The following UST variants were observed in gnomAD, a reference collection of about 807,000 sequenced individuals.
UST encodes uronyl 2-sulfotransferase, also known as chondroitin sulfate 2-O-sulfotransferase.
Under a neutral mutation model 45.6 loss-of-function variants are expected in UST, and 21 were observed. The observed-to-expected ratio is 0.46, with a 90% CI of 0.33 to 0.66. The LOEUF (loss-of-function observed/expected upper bound fraction) is 0.66, where lower values mean the gene tolerates loss of function less well. UST is among the 30% of genes least tolerant of loss of function. The pLI is 0.02. For missense variants in UST, 463 were observed against 512.4 expected, an observed-to-expected ratio of 0.90 and a Z score of 0.93; for synonymous variants, 215 against 200.6, an observed-to-expected ratio of 1.07 and a Z score of -0.61.
intron 7 of UST, among the ~76,000 whole-genome samples, chr6:149,052,920 A>G (rs1776509747): frequency 6.6e-6 from 1 of 152,210 alleles, no homozygotes; most frequent in Admixed American, 6.5e-5. Context: ...TGGTTTTCAT[A>G]AGGGTTTTAA....
chr6:149,042,955 T>TTTTCTTTCTTTCTTTC (rs1158496318), intron 7 of UST, among the ~76,000 whole-genome samples: 22 of 109,172 alleles, frequency 2.0e-4, no homozygotes, highest in Admixed American at 9.7e-4. Flanking sequence ...ATCACCATCC[T>TTTTCTTTCTTTCTTTC]TTTCTTTCTT....
At chr6:148,796,221 G>A (rs1776945620) in intron 1 of UST, among the ~76,000 whole-genome samples, 1 of 152,136 alleles carries the variant, frequency 6.6e-6, no homozygotes, top group South Asian at 2.1e-4. Context: ...ACCTACAAGG[G>A]ACATAAGATT....
intron 2 of UST, among the ~76,000 whole-genome samples, chr6:148,890,224 C>T (rs766857095): frequency 2.0e-5 from 3 of 152,174 alleles, no homozygotes; most frequent in Non-Finnish European, 2.9e-5. Context: ...GTTCTTATTG[C>T]TTCTGGCAGG....
At chr6:148,778,254 A>T (rs1373374722) in intron 1 of UST, among the ~76,000 whole-genome samples, 1 of 152,064 alleles carries the variant, frequency 6.6e-6, no homozygotes, top group Non-Finnish European at 1.5e-5. Context: ...CTAGTTCCAA[A>T]TTTTTTTCCA....
At chr6:148,886,922 CTT>C (rs1294912050) in intron 1 of UST, 62 bp from the exon 2 acceptor site, 5 of 1,353,514 alleles carry the variant, frequency 3.7e-6, no homozygotes, top group East Asian at 4.6e-5. Flanking sequence ...TCTTCAATAA[CTT>C]TGCACTAAAT....
chr6:148,901,750 G>T (rs1293470902), intron 2 of UST, among the ~76,000 whole-genome samples: 1 of 151,996 alleles, frequency 6.6e-6, no homozygotes, highest in African/African-American at 2.4e-5. Flanking sequence ...TAGAGATGGG[G>T]GTTTTGCCAT....
At chr6:148,984,708 C>A (rs1781207841) in intron 5 of UST, among the ~76,000 whole-genome samples, 1 of 152,124 alleles carries the variant, frequency 6.6e-6, no homozygotes, top group African/African-American at 2.4e-5. Flanking sequence ...TGGGGCCTTG[C>A]TGTGTTTCCC....
At chr6:148,896,935 T>C (rs995462866) in intron 2 of UST, among the ~76,000 whole-genome samples, 1 of 152,150 alleles carries the variant, frequency 6.6e-6, no homozygotes, top group East Asian at 1.9e-4. Context: ...AAGAGGATAG[T>C]AATGCCCACC....
At chr6:148,970,898 C>T (rs1371473548) in intron 5 of UST, among the ~76,000 whole-genome samples, 3 of 152,202 alleles carry the variant, frequency 2.0e-5, no homozygotes, top group African/African-American at 4.8e-5. Context: ...GGGCTCACCC[C>T]GATAATCCGG....
chr6:148,994,889 T>C (rs1781421614), intron 5 of UST, among the ~76,000 whole-genome samples: 1 of 152,226 alleles, frequency 6.6e-6, no homozygotes, highest in Non-Finnish European at 1.5e-5. Flanking sequence ...TAGCCCTTAA[T>C]CTATAGATTC....
At chr6:148,788,650 G>A (rs554211662) in intron 1 of UST, among the ~76,000 whole-genome samples, 2 of 152,132 alleles carry the variant, frequency 1.3e-5, no homozygotes, top group East Asian at 3.9e-4. Context: ...GACCTATAAC[G>A]TGTCTTAAGA....
chr6:148,908,460 T>A (rs1473362362), intron 2 of UST, among the ~76,000 whole-genome samples: 1 of 152,110 alleles, frequency 6.6e-6, no homozygotes, highest in Non-Finnish European at 1.5e-5. Context: ...ATCTTGGGCG[T>A]TTGGTGGTAT....
At chr6:148,819,451 A>G (rs1288176987) in intron 1 of UST, among the ~76,000 whole-genome samples, 1 of 152,208 alleles carries the variant, frequency 6.6e-6, no homozygotes, top group Non-Finnish European at 1.5e-5. Context: ...CTGTGACTCG[A>G]ATCGGACTGG....
chr6:149,055,925 C>G (rs912564563), intron 7 of UST, among the ~76,000 whole-genome samples: 23 of 152,112 alleles, frequency 1.5e-4, no homozygotes, highest in African/African-American at 5.6e-4. Context: ...TCATTTATAG[C>G]CTGTTGTTGA....
chr6:149,039,879 G>A (rs73002440), intron 7 of UST, among the ~76,000 whole-genome samples: 4,609 of 152,238 alleles, frequency 0.03, 100 homozygotes, highest in Middle Eastern at 0.061. Flanking sequence ...GCCATGACCC[G>A]TCACTTCCAT....
At chr6:148,881,717 C>T (rs887377658) in intron 1 of UST, among the ~76,000 whole-genome samples, 32 of 152,302 alleles carry the variant, frequency 2.1e-4, no homozygotes, top group African/African-American at 7.0e-4. Context: ...TTAACACCCA[C>T]CATCGACTCC....
intron 2 of UST, among the ~76,000 whole-genome samples, chr6:148,922,016 G>A (rs74746670): frequency 0.034 from 5,227 of 152,280 alleles, 380 homozygotes; most frequent in East Asian, 0.32. Flanking sequence ...CATGAGAGGG[G>A]AGTGGAGAAG....
At chr6:149,051,636 G>GTT (rs1776489194) in intron 7 of UST, among the ~76,000 whole-genome samples, 1 of 152,188 alleles carries the variant, frequency 6.6e-6, no homozygotes, top group South Asian at 2.1e-4. Context: ...GGATTGAATG[G>GTT]CACAGTTCCT....
rs764858360 is a variant in UST at position 149,073,887 on chromosome 6, C to T, written c.992C>T (p.Pro331Leu). ...TVTVKKTVPSPEAVQILYQRM... is the reference protein window; with the variant it reads ...TVTVKKTVPSLEAVQILYQRM... ...ACGGTGAAGAAGACTGTCCCCTCTC[C>T]TGAGGCTGTGCAGATCCTCTACCAG... is the stretch of plus-strand genomic sequence containing the variant. The change falls in exon 8 of 8, where the codon CCT becomes CTT. Residue 331 changes from proline to leucine, a missense_variant. Around this residue, in one of 2 missense-constraint regions of UST, gnomAD observed 287 missense variants for 374.2 expected, o/e 0.77. Transcript: ENST00000367463. 6.2e-7 allele frequency: 1 copy of T among 1,614,166 alleles called. No individual in the cohort carries two copies. The highest frequency in any genetic ancestry group is 8.5e-7 in the Non-Finnish European group (1 of 1,180,032).
Sources: gnomAD v4.1 joint callset for allele counts (sites outside exome capture counted in the v4.1 genomes callset) on GRCh38, gnomAD v4.1.1 for gene constraint, gnomAD v4.1.1 regional missense constraint, MANE v1.5 for transcripts, NCBI Gene and HGNC (gene_info 2026-07-23, HGNC 2026-07-21) for gene names.